NELL1: variants seen among roughly 807,000 people sequenced by gnomAD.
NELL1 encodes the protein protein kinase C-binding protein NELL1.
Under a neutral mutation model 107.4 loss-of-function variants are expected in NELL1, and 76 were observed. The ratio of observed to expected loss-of-function variants is 0.71; its 90% CI spans 0.59 to 0.86. NELL1 has a LOEUF of 0.86. Among genes scored for constraint, NELL1 ranks in the 40% least tolerant of loss-of-function variants. The probability of loss-of-function intolerance (pLI) is 0.00; values close to 1 mark genes in which losing one functional copy is unlikely to be tolerated. For missense variants in NELL1, 1,024 were observed against 1,005.5 expected, an observed-to-expected ratio of 1.02 and a Z score of -0.25; for synonymous variants, 353 against 341.2, an observed-to-expected ratio of 1.03 and a Z score of -0.38.
intron 3 of NELL1, among the ~76,000 whole-genome samples, chr11:20,845,480 C>A (rs1422049433): frequency 6.6e-6 from 1 of 152,130 alleles, no homozygotes; most frequent in East Asian, 1.9e-4. Flanking sequence ...AAGGTCATGT[C>A]CCTTCCCCAA....
intron 15 of NELL1, among the ~76,000 whole-genome samples, chr11:21,484,074 G>A (rs907643775): frequency 1.5e-5 from 2 of 133,890 alleles, no homozygotes; most frequent in African/African-American, 2.8e-5. Flanking sequence ...TAAGTATTTA[G>A]CCAGCGTTAA....
chr11:21,142,892 T>C (rs1380863736), intron 13 of NELL1, among the ~76,000 whole-genome samples: 7 of 152,206 alleles, frequency 4.6e-5, no homozygotes, highest in Admixed American at 3.9e-4. Flanking sequence ...ATAGGCCCTA[T>C]GAAACAGACG....
At position 20,731,827 on chromosome 11, in the gene NELL1, T is replaced by C. The variant is rs538318261; in HGVS notation, c.185-51853T>C. On this transcript the variant is annotated intron_variant, in intron 2 of 19. Transcript: ENST00000357134. Reference sequence around the variant, plus strand: ...TAGCAAGTATTGAGTAAATGGCAGCTGTTGCCATTTGTAGTGGGAGCAGGT... The same window carrying C: ...TAGCAAGTATTGAGTAAATGGCAGCCGTTGCCATTTGTAGTGGGAGCAGGT... Among the ~76,000 whole-genome samples the C allele has an allele frequency of 2.0e-5, 3 of 152,308 alleles. No homozygotes were observed. The South Asian group carries it at 6.2e-4, about 32-fold the overall frequency.
chr11:20,893,759 T>A (rs1849666523), intron 5 of NELL1, among the ~76,000 whole-genome samples: 1 of 149,450 alleles, frequency 6.7e-6, no homozygotes, highest in African/African-American at 2.5e-5. Context: ...AAAATAAGAG[T>A]ATTATATTGA....
intron 5 of NELL1, among the ~76,000 whole-genome samples, chr11:20,902,511 C>T (rs1849899563): frequency 1.3e-5 from 2 of 152,054 alleles, no homozygotes; most frequent in Admixed American, 1.3e-4. Flanking sequence ...TGGATTCTTA[C>T]CCATTGTGTT....
chr11:21,112,639 G>A (rs1361182033), intron 12 of NELL1, among the ~76,000 whole-genome samples: 2 of 152,012 alleles, frequency 1.3e-5, no homozygotes, highest in African/African-American at 4.8e-5. Context: ...CATATGGATT[G>A]AATTAGATAA....
At chr11:21,492,664 A>G (rs887127612) in intron 15 of NELL1, among the ~76,000 whole-genome samples, 3 of 146,860 alleles carry the variant, frequency 2.0e-5, no homozygotes, top group African/African-American at 2.5e-5. Flanking sequence ...CAAACACTGC[A>G]TGTTCTCACT....
chr11:20,825,604 A>T (rs1857864138), intron 3 of NELL1, among the ~76,000 whole-genome samples: 1 of 151,242 alleles, frequency 6.6e-6, no homozygotes, highest in South Asian at 2.1e-4. Context: ...TGTTTTTGCT[A>T]ATTTCTCCCT....
intron 4 of NELL1, among the ~76,000 whole-genome samples, chr11:20,865,775 A>G (rs1849084349): frequency 6.6e-6 from 1 of 152,130 alleles, no homozygotes; most frequent in South Asian, 2.1e-4. Context: ...GTGAGGTGCC[A>G]CCATCCCTCA....
At chr11:21,076,300 A>G (rs1590612979) in intron 12 of NELL1, among the ~76,000 whole-genome samples, 1 of 152,182 alleles carries the variant, frequency 6.6e-6, no homozygotes, top group African/African-American at 2.4e-5. Context: ...GTTCCTCTTC[A>G]TTGGCCCCTC....
chr11:21,236,967 G>A lies in NELL1; in HGVS notation c.1549+7513G>A, dbSNP rs1044309896. Among the ~76,000 whole-genome samples the A allele has an allele frequency of 1.4e-4, 22 of 152,238 alleles. 1 individual carries two copies. In the South Asian group the frequency reaches 3.9e-3, roughly 27 times the overall value. On this transcript the variant is annotated intron_variant, in intron 14 of 19. Transcript: ENST00000357134. ...TACATGACTTAGGGACTGCAGATTGGCCATTTCACATCCTTCAAATCTGTA... is the reference window on the plus strand; with the variant it reads ...TACATGACTTAGGGACTGCAGATTGACCATTTCACATCCTTCAAATCTGTA...
intron 2 of NELL1, among the ~76,000 whole-genome samples, chr11:20,697,187 T>C (rs867027879): frequency 1.1e-4 from 17 of 152,276 alleles, no homozygotes; most frequent in Middle Eastern, 6.8e-3. Context: ...AAAACTATTC[T>C]AAACACCAGC....
At chr11:20,845,079 A>G (rs1848680648) in intron 3 of NELL1, among the ~76,000 whole-genome samples, 2 of 152,220 alleles carry the variant, frequency 1.3e-5, no homozygotes, top group Admixed American at 6.5e-5. Context: ...ATTATTGCTA[A>G]GGCTGCTTCA....
At chr11:21,132,206 C>T (rs1855635103) in intron 13 of NELL1, among the ~76,000 whole-genome samples, 1 of 150,086 alleles carries the variant, frequency 6.7e-6, no homozygotes, top group African/African-American at 2.5e-5. Context: ...TGTGTGTGTG[C>T]ATGTCTGTGT....
chr11:21,428,921 G>A (rs547880534), intron 15 of NELL1, among the ~76,000 whole-genome samples: 1 of 152,300 alleles, frequency 6.6e-6, no homozygotes, highest in South Asian at 2.1e-4. Flanking sequence ...ACATCGAGGT[G>A]TGCAGGATCC....
At chr11:20,922,297 C>T (rs1260001208) in intron 7 of NELL1, among the ~76,000 whole-genome samples, 1 of 152,098 alleles carries the variant, frequency 6.6e-6, no homozygotes, top group African/African-American at 2.4e-5. Context: ...TCCCTGCAGT[C>T]ACTTTGTTTT....
intron 13 of NELL1, among the ~76,000 whole-genome samples, chr11:21,171,868 C>G (rs1180052661): frequency 2.0e-5 from 3 of 151,712 alleles, no homozygotes; most frequent in African/African-American, 4.9e-5. Context: ...GCCCTTAATT[C>G]TTTGTTATTA....
At chr11:21,552,831 G>T (rs767639835) in intron 16 of NELL1, among the ~76,000 whole-genome samples, 10 of 151,778 alleles carry the variant, frequency 6.6e-5, no homozygotes, top group Non-Finnish European at 1.3e-4. Flanking sequence ...TGGAATGGTG[G>T]TTCAAATTAC....
chr11:20,781,298 C>A (rs1179772410), intron 2 of NELL1, among the ~76,000 whole-genome samples: 3 of 152,116 alleles, frequency 2.0e-5, no homozygotes, highest in African/African-American at 7.2e-5. Context: ...AGACTGGGAC[C>A]TTTGTGAGAA....
Sources: gnomAD v4.1 joint callset for allele counts (sites outside exome capture counted in the v4.1 genomes callset) on GRCh38, gnomAD v4.1.1 for gene constraint, MANE v1.5 for transcripts, NCBI Gene and HGNC (gene_info 2026-07-23, HGNC 2026-07-21) for gene names.